The following FRMD6 variants were observed in gnomAD, a reference collection of about 807,000 sequenced individuals.
FRMD6 encodes FERM domain-containing protein 6.
FRMD6 carries 37 observed loss-of-function variants against 73.2 expected under a neutral mutation model. That is an observed-to-expected ratio of 0.51 (90% CI 0.39 to 0.66). The LOEUF is 0.66. FRMD6 is among the 30% of genes least tolerant of loss of function. FRMD6 has a pLI of 0.00. For missense variants in FRMD6, 714 were observed against 780.5 expected, an observed-to-expected ratio of 0.91 and a Z score of 1.02; for synonymous variants, 273 against 282.2, an observed-to-expected ratio of 0.97 and a Z score of 0.33.
chr14:51,490,367 G>C (rs1882920716), intron 1 of FRMD6, among the ~76,000 whole-genome samples: 1 of 152,188 alleles, frequency 6.6e-6, no homozygotes. Flanking sequence ...GTGTGTGCTT[G>C]TGTTTCTGCA....
intron 5 of FRMD6, among the ~76,000 whole-genome samples, chr14:51,703,336 A>G (rs1003422009): frequency 2.0e-5 from 3 of 152,216 alleles, no homozygotes; most frequent in East Asian, 1.9e-4. Flanking sequence ...TTTTGCTTAT[A>G]TATTTTTAAA....
At position 51,704,815 on chromosome 14, in the gene FRMD6, G is replaced by T. The variant is rs1896528843; in HGVS notation, c.438G>T (p.Val146=). 2 of 1,613,340 alleles carry T rather than the reference G, an allele frequency of 1.2e-6. No individual in the cohort carries two copies. The highest frequency in any genetic ancestry group is 4.5e-5 in the East Asian group (2 of 44,860). ...AACAAGTTCTTCATTCTCAGTGTGT[G>T]CTCCGAGAGGAGGCCTACTTCCTGC... is the stretch of plus-strand genomic sequence containing the variant. ...LRKQVLHSQC[V]LREEAYFLLA... is the part of the protein sequence containing the mutation. The change falls in exon 6 of 14, where the codon GTG becomes GTT. Residue 146 remains valine, a synonymous_variant. Transcript: ENST00000344768.
chr14:51,654,862 C>T (rs1892709781), intron 1 of FRMD6, among the ~76,000 whole-genome samples: 1 of 151,800 alleles, frequency 6.6e-6, no homozygotes, highest in Admixed American at 6.5e-5. Flanking sequence ...AAGTTTTTTG[C>T]ATTTGTACAT....
intron 1 of FRMD6, among the ~76,000 whole-genome samples, chr14:51,528,115 C>T (rs10134569): frequency 0.37 from 56,409 of 151,880 alleles, 10,743 homozygotes; most frequent in African/African-American, 0.44. Context: ...GCACTCCAGC[C>T]GGGGTGACAG....
chr14:51,588,622 T>G (rs1566487252), intron 2 of FRMD6, among the ~76,000 whole-genome samples: 1 of 152,206 alleles, frequency 6.6e-6, no homozygotes, highest in Non-Finnish European at 1.5e-5. Context: ...GCTTGAATGC[T>G]CACATGAGGA....
upstream of FRMD6, among the ~76,000 whole-genome samples, chr14:51,485,762 A>G (rs1882748994): frequency 6.6e-6 from 1 of 152,216 alleles, no homozygotes. Context: ...AAGATTATAT[A>G]TGCTGGATAT....
At chr14:51,542,059 C>T (rs1042176809) in intron 1 of FRMD6, among the ~76,000 whole-genome samples, 5 of 152,136 alleles carry the variant, frequency 3.3e-5, no homozygotes, top group East Asian at 3.9e-4. Flanking sequence ...TAAAACTACA[C>T]GCTCCTAGGC....
At chr14:51,399,768 C>G in the FRMD6 span, among the ~76,000 whole-genome samples, 9 of 152,166 alleles carry the variant, frequency 5.9e-5, no homozygotes, top group Middle Eastern at 3.4e-3. Flanking sequence ...TTGATTGACT[C>G]TCATAGAATA....
chr14:51,676,013 C>T (rs544393749), intron 1 of FRMD6, among the ~76,000 whole-genome samples: 8 of 152,034 alleles, frequency 5.3e-5, no homozygotes, highest in South Asian at 4.1e-4. Flanking sequence ...TATTTTAGCA[C>T]GTTTCTTAAC....
At chr14:51,555,917 G>C (rs79371837) in intron 1 of FRMD6, among the ~76,000 whole-genome samples, 2,190 of 152,228 alleles carry the variant, frequency 0.014, 44 homozygotes, top group African/African-American at 0.049. Flanking sequence ...TCCTATGTAA[G>C]GTCCAAATTC....
chr14:51,562,197 G>A (rs1426761971), intron 1 of FRMD6, among the ~76,000 whole-genome samples: 4 of 152,156 alleles, frequency 2.6e-5, no homozygotes, highest in Non-Finnish European at 4.4e-5. Flanking sequence ...GCATCTGCAG[G>A]CTCTATGATC....
At chr14:51,433,429 A>G in the FRMD6 span, among the ~76,000 whole-genome samples, 1 of 152,214 alleles carries the variant, frequency 6.6e-6, no homozygotes, top group Non-Finnish European at 1.5e-5. Context: ...TAAGTGAGAA[A>G]AGTAAAATGC....
chr14:51,457,863 G>A, the FRMD6 span, among the ~76,000 whole-genome samples: 11 of 152,192 alleles, frequency 7.2e-5, no homozygotes, highest in African/African-American at 2.4e-4. Context: ...CCTATTGCAT[G>A]AATGCCTTAA....
intron 11 of FRMD6, among the ~76,000 whole-genome samples, chr14:51,721,728 AAG>A (rs1484108059): frequency 1.8e-5 from 2 of 111,974 alleles, no homozygotes; most frequent in Non-Finnish European, 3.8e-5. Context: ...GGGAGGGAGG[AAG>A]GGAGGGAGGA....
chr14:51,629,485 G>A (rs918207680), intron 2 of FRMD6, among the ~76,000 whole-genome samples: 2 of 152,306 alleles, frequency 1.3e-5, no homozygotes. Context: ...TACCAGCAGT[G>A]TATGGGGGTT....
chr14:51,619,958 C>A (rs1890865158), intron 2 of FRMD6, among the ~76,000 whole-genome samples: 1 of 152,198 alleles, frequency 6.6e-6, no homozygotes, highest in African/African-American at 2.4e-5. Flanking sequence ...CTGTAGTCTA[C>A]AGAGCCACCC....
chr14:51,501,701 T>C (rs1290471545), intron 1 of FRMD6, among the ~76,000 whole-genome samples: 1 of 152,080 alleles, frequency 6.6e-6, no homozygotes, highest in Non-Finnish European at 1.5e-5. Flanking sequence ...TTCTTTATAA[T>C]AAAACAATAT....
At chr14:51,460,737 G>A in the FRMD6 span, among the ~76,000 whole-genome samples, 4 of 152,238 alleles carry the variant, frequency 2.6e-5, no homozygotes, top group South Asian at 8.3e-4. Context: ...TTCTCAACTG[G>A]AACTAATCAA....
upstream of FRMD6, among the ~76,000 whole-genome samples, chr14:51,649,086 TAAGA>T (rs1566526933): frequency 6.6e-6 from 1 of 152,222 alleles, no homozygotes; most frequent in Non-Finnish European, 1.5e-5. Flanking sequence ...TTTTCTGTGA[TAAGA>T]AATATCTAAA....
Sources: allele counts gnomAD v4.1 joint callset (sites outside exome capture counted in the v4.1 genomes callset), GRCh38; gene constraint gnomAD v4.1.1; transcripts MANE v1.5; gene names NCBI Gene and HGNC (gene_info 2026-07-23, HGNC 2026-07-21).